Variants in VWA8 observed in about 807,000 individuals in gnomAD.
VWA8 encodes the protein von Willebrand factor A domain containing 8.
In VWA8, 221 loss-of-function variants were observed where a neutral mutation model predicts 241.5. That is an observed-to-expected ratio of 0.91 (90% CI 0.82 to 1.02). The LOEUF is 1.02. VWA8 is among the 50% of genes least tolerant of loss of function. VWA8 has a pLI of 0.00. For synonymous variants in VWA8, 852 were observed against 827.1 expected (o/e 1.03, Z -0.52); for missense variants, 2,322 against 2,328.7 (o/e 1.00, Z 0.06).
chr13:41,940,413 T>G (rs1165784821), intron 2 of VWA8, among the ~76,000 whole-genome samples: 2 of 152,106 alleles, frequency 1.3e-5, no homozygotes, highest in Admixed American at 1.3e-4. Flanking sequence ...TTAAAATACT[T>G]TTTAAACTTC....
rs1321035523 is a variant in VWA8 at position 41,907,478 on chromosome 13, A to G, written c.483+108T>C. 4.3e-6 allele frequency: 4 copies of G among 920,668 alleles called. No individual in the cohort carries two copies. In the East Asian group the frequency reaches 1.0e-4, roughly 23 times the overall value. 57.0% of individuals were successfully genotyped at this position (920,668 alleles called of 1,614,324 possible). A position where few individuals can be genotyped will look rare whatever the true frequency, so the allele number is the denominator to read the frequency against. ...ATTAAATCTGTCTAGAGAGAGCACAATACAACTACCTTTTACTGTTATATG... is the reference window on the plus strand; with the variant it reads ...ATTAAATCTGTCTAGAGAGAGCACAGTACAACTACCTTTTACTGTTATATG... On this transcript the variant is annotated intron_variant, in intron 4 of 44. Transcript: ENST00000379310.
chr13:41,907,407 CA>C (rs1414462864), intron 4 of VWA8, among the ~76,000 whole-genome samples, 178 bp downstream of exon 4: 1 of 152,138 alleles, frequency 6.6e-6, no homozygotes, highest in Non-Finnish European at 1.5e-5. Flanking sequence ...TCATTTAGTA[CA>C]AAACCAAGAA....
chr13:41,924,649 G>A (rs1351080756), intron 2 of VWA8, among the ~76,000 whole-genome samples: 1 of 152,068 alleles, frequency 6.6e-6, no homozygotes, highest in African/African-American at 2.4e-5. Flanking sequence ...TAGGCCCGGG[G>A]TCTTACAAAA....
intron 37 of VWA8, among the ~76,000 whole-genome samples, chr13:41,649,071 G>C (rs1424159615): frequency 6.6e-6 from 1 of 152,110 alleles, no homozygotes; most frequent in Non-Finnish European, 1.5e-5. Flanking sequence ...TGTAATCCCA[G>C]CTACTTGGGA....
intron 20 of VWA8, among the ~76,000 whole-genome samples, chr13:41,770,138 T>C (rs1241132413): frequency 6.6e-6 from 1 of 152,070 alleles, no homozygotes; most frequent in East Asian, 1.9e-4. Context: ...GATATTGCAC[T>C]CAGGAAGTGT....
At chr13:41,847,558 T>C (rs1872344263) in intron 12 of VWA8, among the ~76,000 whole-genome samples, 1 of 152,078 alleles carries the variant, frequency 6.6e-6, no homozygotes, top group African/African-American at 2.4e-5. Flanking sequence ...AGGCATGGAT[T>C]GGGTCACATA....
chr13:41,620,130 A>G (rs2044647071), intron 37 of VWA8, among the ~76,000 whole-genome samples: 2 of 152,106 alleles, frequency 1.3e-5, no homozygotes, highest in South Asian at 4.2e-4. Context: ...GCTATTAATT[A>G]TTTCCTCAAT....
intron 39 of VWA8, among the ~76,000 whole-genome samples, chr13:41,608,130 G>A (rs1206083494): frequency 1.3e-5 from 2 of 152,114 alleles, no homozygotes; most frequent in Non-Finnish European, 2.9e-5. Flanking sequence ...ACTGATCTTT[G>A]CAGAGTGATC....
chr13:41,740,829 T>A (rs556276492), intron 21 of VWA8, among the ~76,000 whole-genome samples: 1 of 152,298 alleles, frequency 6.6e-6, no homozygotes, highest in Admixed American at 6.5e-5. Flanking sequence ...AGTTTAGGTA[T>A]CACTGCAATT....
At chr13:41,903,972 A>T (rs910191640) in intron 4 of VWA8, among the ~76,000 whole-genome samples, 2 of 152,218 alleles carry the variant, frequency 1.3e-5, no homozygotes, top group East Asian at 1.9e-4. Flanking sequence ...TATCAGTGGG[A>T]TTAGAGCACA....
rs535664357 is a variant in VWA8, at chr13:41,881,950, G to A, written c.1080+1437C>T. Among the ~76,000 whole-genome samples the A allele has an allele frequency of 1.8e-3, 275 of 149,582 alleles. 2 individuals carry two copies. Among genetic ancestry groups the A allele is most frequent in the African/African-American group, 6.1e-3 (242 of 39,822 alleles). On this transcript the variant is annotated intron_variant, in intron 9 of 44. Transcript: ENST00000379310. ...GACGGGGTGGCTGCTGGGCGGAGAC[G>A]CTCCTCACTTCCCAGACAGGGTGAC...
chr13:41,578,885 T>C (rs1429202988), intron 42 of VWA8, among the ~76,000 whole-genome samples: 1 of 152,214 alleles, frequency 6.6e-6, no homozygotes, highest in Non-Finnish European at 1.5e-5. Flanking sequence ...CCAATTTAAA[T>C]ACTTTTTTGC....
At chr13:41,898,755 C>T (rs529125105) in intron 4 of VWA8, among the ~76,000 whole-genome samples, 1 of 152,298 alleles carries the variant, frequency 6.6e-6, no homozygotes, top group African/African-American at 2.4e-5. Context: ...GGCGAGAAAT[C>T]GAGCGCAGCG....
chr13:41,932,292 C>A (rs1877161570), intron 2 of VWA8, among the ~76,000 whole-genome samples: 1 of 151,994 alleles, frequency 6.6e-6, no homozygotes. Flanking sequence ...ATGACTATAT[C>A]TATGAAAGAA....
chr13:41,633,126 G>A (rs1029803595), intron 37 of VWA8, among the ~76,000 whole-genome samples: 6 of 152,182 alleles, frequency 3.9e-5, no homozygotes, highest in Admixed American at 2.0e-4. Context: ...ACTCTTTTAT[G>A]ATAGTACATT....
At chr13:41,959,688 G>A (rs1214246169) in intron 1 of VWA8, among the ~76,000 whole-genome samples, 1 of 132,596 alleles carries the variant, frequency 7.5e-6, no homozygotes, top group African/African-American at 2.8e-5. Flanking sequence ...TCCAAGCTCC[G>A]CCTCCCGGGT....
intron 9 of VWA8, among the ~76,000 whole-genome samples, chr13:41,869,030 G>C (rs747050956): frequency 6.6e-6 from 1 of 150,876 alleles, no homozygotes; most frequent in African/African-American, 2.4e-5. Context: ...TTTACTAAAT[G>C]ACAAGAAATG....
rs547786046 is a variant in VWA8 at position 41,810,188 on chromosome 13, G to A, written c.2063+1037C>T. Reference sequence around the variant, plus strand: ...GTATAACCACTATAGAGAACTATATGGAGTTCCTCAAAAAAAGAAGAAAAA... The same window carrying A: ...GTATAACCACTATAGAGAACTATATAGAGTTCCTCAAAAAAAGAAGAAAAA... On this transcript the variant is annotated intron_variant, in intron 17 of 44. Transcript: ENST00000379310. Among the ~76,000 whole-genome samples, 3 of 152,108 alleles carry A rather than the reference G, an allele frequency of 2.0e-5. No homozygotes were observed. The South Asian group carries it at 6.2e-4, about 32-fold the overall frequency.
At chr13:41,767,925 A>C (rs562088011) in intron 20 of VWA8, among the ~76,000 whole-genome samples, 2 of 152,394 alleles carry the variant, frequency 1.3e-5, no homozygotes, top group African/African-American at 2.4e-5. Flanking sequence ...ATACAGATTC[A>C]AAATAAATTC....
Sources: allele counts gnomAD v4.1 joint callset (sites outside exome capture counted in the v4.1 genomes callset), GRCh38; gene constraint gnomAD v4.1.1; transcripts MANE v1.5; gene names NCBI Gene and HGNC (gene_info 2026-07-23, HGNC 2026-07-21).